The following YAP1 variants were observed in gnomAD, a reference collection of about 807,000 sequenced individuals.
The protein encoded by YAP1 is transcriptional coactivator YAP1.
YAP1 carries 5 observed loss-of-function variants against 56.9 expected under a neutral mutation model. The ratio of observed to expected loss-of-function variants is 0.09; its 90% CI spans 0.05 to 0.18. The LOEUF (loss-of-function observed/expected upper bound fraction) is 0.18, where lower values mean the gene tolerates loss of function less well. Ranked by LOEUF, YAP1 falls within the 10% of genes least tolerant of loss-of-function variation. The pLI is 1.00. For missense variants in YAP1, 539 were observed against 651.8 expected (o/e 0.83, Z 1.88); for synonymous variants, 265 against 248.1 (o/e 1.07, Z -0.64).
intron 4 of YAP1, among the ~76,000 whole-genome samples, chr11:102,195,790 C>A (rs572381188): frequency 6.6e-6 from 1 of 152,146 alleles, no homozygotes; most frequent in Non-Finnish European, 1.5e-5. Context: ...TATAAATTAC[C>A]CAGTCTTGGG....
rs549967884 is a variant in YAP1, at chr11:102,209,572, C to G, written c.1032+8C>G. 22 of 1,570,340 alleles carry G rather than the reference C, an allele frequency of 1.4e-5. No homozygotes were observed. In the South Asian group the frequency reaches 2.5e-4, roughly 18 times the overall value. ...AATTCTCCAAAATGTCAGGTAGGCT[C>G]TTATCTGATGTTTTAGCACTGGAAA... On this transcript the variant is annotated splice_region_variant and intron_variant, in intron 6 of 8. Coordinates refer to ENST00000282441, the MANE Select transcript of YAP1 (RefSeq NM_001130145.3).
intron 2 of YAP1, 90 bp from the exon 3 acceptor site, chr11:102,162,366 T>C: frequency 9.2e-7 from 1 of 1,086,602 alleles, no homozygotes; most frequent in Non-Finnish European, 1.4e-6. Context: ...CAGAGCTCGC[T>C]TGGCACCCTT....
At chr11:102,132,183 A>G (rs1591171044) in intron 2 of YAP1, among the ~76,000 whole-genome samples, 2 of 152,348 alleles carry the variant, frequency 1.3e-5, no homozygotes, top group South Asian at 4.1e-4. Flanking sequence ...GAGAAAAGTC[A>G]TGAGGTAGTA....
At chr11:102,132,849 T>A (rs530449557) in intron 2 of YAP1, among the ~76,000 whole-genome samples, 17 of 152,368 alleles carry the variant, frequency 1.1e-4, no homozygotes, top group Non-Finnish European at 1.9e-4. Context: ...TACAATTTTT[T>A]ACTTTTTTTA....
At chr11:102,204,347 T>C (rs563290454) in intron 4 of YAP1, among the ~76,000 whole-genome samples, 3 of 152,308 alleles carry the variant, frequency 2.0e-5, no homozygotes, top group South Asian at 2.1e-4. Flanking sequence ...TGGCTCAGTA[T>C]TTTTTCAGCG....
Position 102,227,472 on chromosome 11 carries a change from C to A in YAP1, c.1167C>A (p.Gly389=). The change falls in exon 8 of 9, where the codon GGC becomes GGA. Residue 389 remains glycine (G), a synonymous_variant. Transcript: ENST00000282441. ...TNSSDPFLNS[G]TYHSRDESTD... ...TTTAACTGTCATGTTTATGTAGTGG[C>A]ACCTATCACTCTCGAGATGAGAGTA... 6.2e-7 allele frequency: 1 copy of A among 1,611,624 alleles called. No homozygotes were observed. The highest frequency in any genetic ancestry group is 8.5e-7 in the Non-Finnish European group (1 of 1,178,388).
chr11:102,120,454 A>G (rs576619008), intron 2 of YAP1, among the ~76,000 whole-genome samples: 12 of 152,320 alleles, frequency 7.9e-5, no homozygotes, highest in East Asian at 1.9e-4. Context: ...GGCAGTATCT[A>G]TTATTTGGGT....
intron 6 of YAP1, among the ~76,000 whole-genome samples, chr11:102,211,667 G>A (rs1487181804): frequency 6.6e-6 from 1 of 151,594 alleles, no homozygotes; most frequent in Non-Finnish European, 1.5e-5. Context: ...CCTTAAGGTA[G>A]ATGTCAGGAA....
rs549818441 is a variant in YAP1, at chr11:102,136,347, CT to C, written c.572+21968del. 4.8e-3 allele frequency among the ~76,000 whole-genome samples: 679 copies of C among 141,738 alleles called. 1 individual carries two copies. Among genetic ancestry groups the C allele is most frequent in the Non-Finnish European group, 5.6e-3 (360 of 64,796 alleles). 93.0% of individuals were successfully genotyped at this position (141,738 alleles called of 152,430 possible). ...TGCCTAGGACAGGGAGCCATTTTTC[CT>C]TTTTTTTTTTTTTTAAAACAGGGTC... On this transcript the variant is annotated intron_variant, in intron 2 of 8. Coordinates refer to ENST00000282441, the MANE Select transcript of YAP1 (RefSeq NM_001130145.3).
chr11:102,227,649 A>G, intron 8 of YAP1, 68 bp downstream of exon 8: 1 of 1,023,082 alleles, frequency 9.8e-7, no homozygotes, highest in Non-Finnish European at 1.5e-6. Context: ...AGGTCTCATA[A>G]GGTATTGTAA....
chr11:102,180,018 T>C (rs980050691), intron 3 of YAP1, among the ~76,000 whole-genome samples: 2 of 149,588 alleles, frequency 1.3e-5, no homozygotes, highest in Non-Finnish European at 3.0e-5. Context: ...TTTTTTTTTT[T>C]TTTTTTTTGA....
chr11:102,209,393 C>T (rs1949282542), intron 5 of YAP1, 124 bp from the exon 6 acceptor site: 1 of 868,488 alleles, frequency 1.2e-6, no homozygotes, highest in African/African-American at 1.8e-5. Flanking sequence ...CAGTCTGCTT[C>T]TTCTTGGGTA....
At chr11:102,153,556 T>A (rs1945782401) in intron 2 of YAP1, among the ~76,000 whole-genome samples, 1 of 152,224 alleles carries the variant, frequency 6.6e-6, no homozygotes, top group South Asian at 2.1e-4. Context: ...TATATGTGAA[T>A]TAGAAATTCA....
intron 3 of YAP1, among the ~76,000 whole-genome samples, chr11:102,167,447 AT>A (rs1340726491): frequency 6.6e-6 from 1 of 152,240 alleles, no homozygotes; most frequent in African/African-American, 2.4e-5. Context: ...GAAAGTTAAA[AT>A]TTATAGCTGG....
chr11:102,195,415 A>G (rs755323554), intron 4 of YAP1, among the ~76,000 whole-genome samples: 10 of 152,216 alleles, frequency 6.6e-5, no homozygotes, highest in Non-Finnish European at 1.3e-4. Flanking sequence ...TGAACAGCTA[A>G]AGATGTGAAA....
intron 2 of YAP1, among the ~76,000 whole-genome samples, chr11:102,128,911 T>A (rs1288241288): frequency 6.6e-6 from 1 of 152,140 alleles, no homozygotes; most frequent in African/African-American, 2.4e-5. Flanking sequence ...TTGGCCTCTC[T>A]CTCTCTTCCT....
At chr11:102,130,809 G>A (rs1353893635) in intron 2 of YAP1, among the ~76,000 whole-genome samples, 1 of 134,696 alleles carries the variant, frequency 7.4e-6, no homozygotes, top group Non-Finnish European at 1.5e-5. Flanking sequence ...CTCTACACAT[G>A]TTCAGACTGA....
At chr11:102,141,975 A>G (rs1193760337) in intron 2 of YAP1, among the ~76,000 whole-genome samples, 2 of 152,250 alleles carry the variant, frequency 1.3e-5, no homozygotes, top group Non-Finnish European at 2.9e-5. Flanking sequence ...ATGCTGTGAA[A>G]TTCAATAGAT....
At chr11:102,223,169 ACC>A (rs1950027462) in intron 6 of YAP1, among the ~76,000 whole-genome samples, 1 of 150,516 alleles carries the variant, frequency 6.6e-6, no homozygotes. Context: ...AATCACTTGA[ACC>A]CAGGAGGCGG....
Sources: gnomAD v4.1 joint callset for allele counts (sites outside exome capture counted in the v4.1 genomes callset) on GRCh38, gnomAD v4.1.1 for gene constraint, MANE v1.5 for transcripts, NCBI Gene and HGNC (gene_info 2026-07-23, HGNC 2026-07-21) for gene names.